Variants in DNAJC13 observed in about 807,000 individuals in gnomAD.
DNAJC13 encodes the protein dnaJ homolog subfamily C member 13.
DNAJC13 carries 75 observed loss-of-function variants against 290.5 expected under a neutral mutation model. The ratio of observed to expected loss-of-function variants is 0.26; its 90% confidence interval spans 0.21 to 0.31. DNAJC13 has a LOEUF of 0.31. Ranked by LOEUF, DNAJC13 falls within the 10% of genes least tolerant of loss-of-function variation. DNAJC13 has a pLI of 1.00. For synonymous variants in DNAJC13, 862 were observed against 892.0 expected, an observed-to-expected ratio of 0.97 and a Z score of 0.60; for missense variants, 2,260 against 2,674.5, an observed-to-expected ratio of 0.85 and a Z score of 3.42.
chr3:132,457,458 A>C, intron 13 of DNAJC13, 90 bp downstream of exon 13: 1 of 1,016,646 alleles, frequency 9.8e-7, no homozygotes, highest in Non-Finnish European at 1.5e-6. Context: ...TTGTACCAAT[A>C]AGTTCTTGTT....
At chr3:132,455,542 G>A (rs961090881) in intron 9 of DNAJC13, among the ~76,000 whole-genome samples, 6 of 151,994 alleles carry the variant, frequency 3.9e-5, no homozygotes, top group South Asian at 2.1e-4. Context: ...ATGAATGTTC[G>A]TAATATCATT....
intron 13 of DNAJC13, among the ~76,000 whole-genome samples, chr3:132,459,320 A>T (rs1222317734): frequency 1.3e-5 from 2 of 152,236 alleles, no homozygotes; most frequent in African/African-American, 4.8e-5. Flanking sequence ...ACATGATGCT[A>T]GTGAAAGAAG....
At chr3:132,434,222 CAAAAA>C (rs1303718395) in intron 1 of DNAJC13, among the ~76,000 whole-genome samples, 10 of 101,564 alleles carry the variant, frequency 9.8e-5, no homozygotes, top group Admixed American at 6.6e-4. Flanking sequence ...AAAAAAAAAA[CAAAAA>C]ACAAAAAAAT....
At position 132,456,227 on chromosome 3, in the gene DNAJC13, T is replaced by A. The variant is rs1240925142; in HGVS notation, c.933-8T>A. 2 of 1,607,690 alleles carry A rather than the reference T, an allele frequency of 1.2e-6. No homozygotes were observed. The highest frequency in any genetic ancestry group is 1.7e-5 in the Admixed American group (1 of 58,272). ...CTAAAACCTTTTTTTACTTTTAATCTTACTTAGAGATTCCTTATTAGCAAG... is the reference window on the plus strand; with the variant it reads ...CTAAAACCTTTTTTTACTTTTAATCATACTTAGAGATTCCTTATTAGCAAG... On this transcript the variant is annotated splice_region_variant and splice_polypyrimidine_tract_variant and intron_variant, in intron 9 of 55. Transcript: ENST00000260818.
intron 38 of DNAJC13, among the ~76,000 whole-genome samples, chr3:132,500,009 C>G (rs1333859841): frequency 6.6e-6 from 1 of 152,180 alleles, no homozygotes; most frequent in Non-Finnish European, 1.5e-5. Context: ...ATTGATGCTG[C>G]TGGTCTGTGT....
intron 53 of DNAJC13, 41 bp from the exon 54 acceptor site, chr3:132,528,148 A>AT (rs747140313): frequency 1.2e-6 from 2 of 1,604,784 alleles, no homozygotes; most frequent in Admixed American, 3.4e-5. Context: ...GATGATTTGC[A>AT]TTTTTTCTGT....
chr3:132,521,126 C>G (rs1936076369), intron 48 of DNAJC13, among the ~76,000 whole-genome samples: 2 of 152,108 alleles, frequency 1.3e-5, no homozygotes, highest in Admixed American at 1.3e-4. Flanking sequence ...CAGTCATGTA[C>G]AGTGACTCAT....
At chr3:132,437,729 T>A (rs1469067028) in intron 2 of DNAJC13, among the ~76,000 whole-genome samples, 1 of 152,236 alleles carries the variant, frequency 6.6e-6, no homozygotes, top group African/African-American at 2.4e-5. Flanking sequence ...TGTGCTGTTT[T>A]GAAACTTAGA....
rs538371346 is a variant in DNAJC13 at position 132,434,361 on chromosome 3, G to A, written c.-13-177G>A. Reference sequence around the variant, plus strand: ...AGATCGTGCCACTGCACTCCAGCCTGGGCGACAGAGCGAGACTCATCTCAA... The same window carrying A: ...AGATCGTGCCACTGCACTCCAGCCTAGGCGACAGAGCGAGACTCATCTCAA... On this transcript the variant is annotated intron_variant, in intron 1 of 55. Coordinates refer to ENST00000260818, the MANE Select transcript of DNAJC13 (RefSeq NM_015268.4). Among the ~76,000 whole-genome samples, 8 of 151,850 alleles carry A rather than the reference G, an allele frequency of 5.3e-5. No homozygotes were observed. In the East Asian group the frequency reaches 1.4e-3, roughly 26 times the overall value.
At position 132,509,959 on chromosome 3, in the gene DNAJC13, C is replaced by T. The variant is rs577707322; in HGVS notation, c.5116-1108C>T. Among the ~76,000 whole-genome samples, 4 of 152,240 alleles carry T rather than the reference C, an allele frequency of 2.6e-5. No homozygotes were observed. The South Asian group carries it at 8.3e-4, about 32-fold the overall frequency. ...CTATCTCTGAGGTGTGCCTTTACAC[C>T]GAAATAATACCAAATGCTTGTGATG... On this transcript the variant is annotated intron_variant, in intron 43 of 55. Transcript: ENST00000260818.
chr3:132,523,501 T>C lies in DNAJC13; in HGVS notation c.5887-39T>C, dbSNP rs374378601. 24 of 1,592,562 alleles carry C rather than the reference T, an allele frequency of 1.5e-5. No homozygotes were observed. In the African/African-American group the frequency reaches 2.6e-4, roughly 17 times the overall value. On this transcript the variant is annotated intron_variant, in intron 50 of 55. Coordinates refer to ENST00000260818, the MANE Select transcript of DNAJC13 (RefSeq NM_015268.4). ...TGGTGTGCATTTCTAGCTTCAAGAT[T>C]ATTAAGTGACTTGACTGTGGTTCTT...
In DNAJC13 at chr3:132,456,656, C is replaced by T; in HGVS notation, c.1180-7C>T. 2 of 1,613,138 alleles carry T rather than the reference C, an allele frequency of 1.2e-6. No individual in the cohort carries two copies. The highest frequency in any genetic ancestry group is 2.2e-5 in the East Asian group (1 of 44,864). On this transcript the variant is annotated splice_polypyrimidine_tract_variant and splice_region_variant and intron_variant, in intron 11 of 55. Transcript: ENST00000260818. ...AAACTTTTTTGAAATACTCTTTCTT[C>T]ACCTAGGGTCTCTTCTCAGAAAACA...
intron 1 of DNAJC13, among the ~76,000 whole-genome samples, chr3:132,430,698 A>C (rs1407774725): frequency 1.3e-5 from 2 of 152,170 alleles, no homozygotes; most frequent in African/African-American, 4.8e-5. Flanking sequence ...TATATAGGGG[A>C]AAAATATCCG....
At position 132,492,487 on chromosome 3, in the gene DNAJC13, C is replaced by CT; in HGVS notation, c.3700dup (p.Tyr1234LeufsTer17). On this transcript the variant is annotated frameshift_variant, in exon 33 of 56. Coordinates refer to ENST00000260818, the MANE Select transcript of DNAJC13 (RefSeq NM_015268.4). LOFTEE classifies it high-confidence loss of function. ...TCGTCTTCAGAGTAACACAAGAGCACTTTATCAGTATTGCCCCATTCCTAT... is the reference window on the plus strand; with the variant it reads ...TCGTCTTCAGAGTAACACAAGAGCACTTTTATCAGTATTGCCCCATTCCTAT... 1 of 1,613,860 alleles carries CT rather than the reference C, an allele frequency of 6.2e-7. No homozygotes were observed. The highest frequency in any genetic ancestry group is 8.5e-7 in the Non-Finnish European group (1 of 1,179,832).
intron 1 of DNAJC13, among the ~76,000 whole-genome samples, chr3:132,422,503 A>T (rs540230249): frequency 6.6e-6 from 1 of 152,316 alleles, no homozygotes; most frequent in South Asian, 2.1e-4. Flanking sequence ...CAAAATTTTA[A>T]TCAGTGGTTT....
At chr3:132,436,855 T>C (rs1939397515) in intron 2 of DNAJC13, among the ~76,000 whole-genome samples, 1 of 151,832 alleles carries the variant, frequency 6.6e-6, no homozygotes, top group African/African-American at 2.4e-5. Flanking sequence ...ATTTATTCAC[T>C]GTAACTAAAA....
chr3:132,446,481 G>A lies in DNAJC13; in HGVS notation c.75G>A (p.Lys25=), dbSNP rs1396632745. 5 of 1,604,842 alleles carry A rather than the reference G, an allele frequency of 3.1e-6. No homozygotes were observed. The highest frequency in any genetic ancestry group is 4.2e-6 in the Non-Finnish European group (5 of 1,176,798). The change falls in exon 3 of 56, where the codon AAG becomes AAA. Residue 25 remains lysine (K), a synonymous_variant. Coordinates refer to ENST00000260818, the MANE Select transcript of DNAJC13 (RefSeq NM_015268.4). ...CACTTGTTTTCCTTTGTAGGTATAA[G>A]CGTGTCTTTTCAGTTGGAACTCATG... ...TTKHSWRGKY[K]RVFSVGTHAI...
intron 48 of DNAJC13, among the ~76,000 whole-genome samples, chr3:132,521,123 G>A (rs1053484751): frequency 1.3e-5 from 2 of 152,158 alleles, no homozygotes; most frequent in East Asian, 1.9e-4. Context: ...CAACAGTCAT[G>A]TACAGTGACT....
intron 43 of DNAJC13, among the ~76,000 whole-genome samples, chr3:132,510,412 C>T (rs895179796): frequency 2.0e-4 from 31 of 152,088 alleles, no homozygotes; most frequent in South Asian, 1.2e-3. Context: ...TATTTAAAGA[C>T]GGGTCTCACT....
Sources: gnomAD v4.1 joint callset for allele counts (sites outside exome capture counted in the v4.1 genomes callset) on GRCh38, gnomAD v4.1.1 for gene constraint, MANE v1.5 for transcripts, NCBI Gene and HGNC (gene_info 2026-07-23, HGNC 2026-07-21) for gene names.